PLEKHN1: variants seen among roughly 807,000 people sequenced by gnomAD.
PLEKHN1 encodes pleckstrin homology domain-containing family N member 1.
Under a neutral mutation model 72.8 loss-of-function variants are expected in PLEKHN1, and 68 were observed. The ratio of observed to expected loss-of-function variants is 0.93; its 90% CI spans 0.77 to 1.14. PLEKHN1 has a LOEUF of 1.14. Among genes scored for constraint, PLEKHN1 ranks in the 50% most tolerant of loss-of-function variants. The pLI, the probability that PLEKHN1 is intolerant of heterozygous loss-of-function variation, is 0.00. For missense variants in PLEKHN1, 1,015 were observed against 840.5 expected (o/e 1.21, Z -2.57); for synonymous variants, 454 against 371.6 (o/e 1.22, Z -2.55).
At position 970,400 on chromosome 1, in the gene PLEKHN1, C is replaced by T; in HGVS notation, c.307C>T (p.Gln103Ter). ...AAAAGTTGTGCATTACGCCAAGGTC[C>T]AGCTGCGGTTCCAGCACAGCCAGGT... ...LGKVVHYAKV[Q>*]LRFQHSQDVS... The change falls in exon 3 of 16, where the codon CAG (glutamine) becomes TAG (stop). Residue 103 changes from glutamine to a stop codon, truncating the protein, a stop_gained. Coordinates refer to ENST00000379410, the MANE Select transcript of PLEKHN1 (RefSeq NM_032129.3). LOFTEE classifies it high-confidence loss of function. This position sits in a 1 kb window ranked among gnomAD's most constrained non-coding sequence, Gnocchi z 4.2. The T allele has an allele frequency of 6.2e-7, 1 of 1,613,490 alleles. No homozygotes were observed. Among genetic ancestry groups the T allele is most frequent in the Non-Finnish European group, 8.5e-7 (1 of 1,179,958 alleles).
chr1:973,041 G>A, intron 11 of PLEKHN1, 31 bp downstream of exon 11: 1 of 1,581,986 alleles, frequency 6.3e-7, no homozygotes, highest in Non-Finnish European at 8.6e-7. Flanking sequence ...AGACGAAAGT[G>A]GGGCAGAAGG....
At chr1:968,886 C>A (rs1643138641) in intron 2 of PLEKHN1, among the ~76,000 whole-genome samples, 2 of 152,156 alleles carry the variant, frequency 1.3e-5, no homozygotes, top group Non-Finnish European at 1.5e-5. Context: ...GCCACAGAGA[C>A]CCCTCGGGGG....
chr1:973,947 C>T lies in PLEKHN1; in HGVS notation c.1549C>T (p.Pro517Ser), dbSNP rs762865436. 2.5e-6 allele frequency: 4 copies of T among 1,610,906 alleles called. No homozygotes were observed. Among genetic ancestry groups the T allele is most frequent in the East Asian group, 2.2e-5 (1 of 44,858 alleles). Reference protein sequence around the residue: ...PRSCSSGPAGPYLLSKKGALQ... With the variant: ...PRSCSSGPAGSYLLSKKGALQ... Reference sequence around the variant, plus strand: ...CTCCTGCTCCTCCGGCCCCGCTGGCCCCTACTTGCTCTCCAAGAAGGGAGC... The same window carrying T: ...CTCCTGCTCCTCCGGCCCCGCTGGCTCCTACTTGCTCTCCAAGAAGGGAGC... Residue 517 changes from proline (P) to serine (S), a missense_variant, in exon 14 of 16, where the codon CCC becomes TCC. By Grantham distance (74) the Pro-to-Ser change is moderately conservative. Coordinates refer to ENST00000379410, the MANE Select transcript of PLEKHN1 (RefSeq NM_032129.3).
At chr1:966,879 G>A in intron 2 of PLEKHN1, 76 bp downstream of exon 2, 1 of 1,440,228 alleles carries the variant, frequency 6.9e-7, no homozygotes. Flanking sequence ...TGTCCGTGCA[G>A]CTCAGGGTCT....
At chr1:972,256 C>T (rs780817472) in intron 9 of PLEKHN1, 32 bp from the exon 10 acceptor site, 29 of 1,603,194 alleles carry the variant, frequency 1.8e-5, no homozygotes, top group East Asian at 4.5e-5. Context: ...GGTGCACCCC[C>T]CCGCCAGCCC....
rs201124429 is a variant in PLEKHN1 at position 972,311 on chromosome 1, G to A, written c.889G>A (p.Val297Met). ...IEGPLINTIR[V>M]VCASYEDYGH... ...AGGCCCCCTCATCAACACCATCCGC[G>A]TGGTGTGCGCCAGCTACGAGGACTA... Residue 297 changes from valine (V) to methionine (M), a missense_variant, in exon 10 of 16, where the codon GTG becomes ATG. Coordinates refer to ENST00000379410, the MANE Select transcript of PLEKHN1 (RefSeq NM_032129.3). 1.1e-5 allele frequency: 18 copies of A among 1,612,498 alleles called. No individual in the cohort carries two copies. The highest frequency in any genetic ancestry group is 1.7e-5 in the Admixed American group (1 of 60,008).
chr1:966,966 C>T lies in PLEKHN1; in HGVS notation c.183+163C>T, dbSNP rs1473504299. On this transcript the variant is annotated intron_variant, in intron 2 of 15. Transcript: ENST00000379410. ...ACTGCCCCGCCCTGGGGAGCTCATC[C>T]GGCCGAAAGTCTGAGCGGAGAGCGA... Among the ~76,000 whole-genome samples, 10 of 152,344 alleles carry T rather than the reference C, an allele frequency of 6.6e-5. No homozygotes were observed. In the South Asian group the frequency reaches 8.3e-4, roughly 13 times the overall value.
chr1:968,459 T>A (rs1279390980), intron 2 of PLEKHN1, among the ~76,000 whole-genome samples: 1 of 152,202 alleles, frequency 6.6e-6, no homozygotes, highest in African/African-American at 2.4e-5. Flanking sequence ...ATTGACTACA[T>A]GTGGCGTGGA....
rs1643520813 is a variant in PLEKHN1, at chr1:974,561, G to A, written c.1822G>A (p.Val608Met). 1 of 1,611,692 alleles carries A rather than the reference G, an allele frequency of 6.2e-7. No individual in the cohort carries two copies. The highest frequency in any genetic ancestry group is 1.1e-5 in the South Asian group (1 of 90,920). ...AGGGCCTGAGGCCAGTGGGGGGCTT[G>A]TGCAGTGGATCTGATGGCCGCGGTG... ...LGGPEASGGL[V>M]QWI The change falls in exon 16 of 16, where the codon GTG becomes ATG. Residue 608 changes from valine to methionine, a missense_variant. Physicochemically the swap from Val to Met is conservative, Grantham distance 21. Coordinates refer to ENST00000379410, the MANE Select transcript of PLEKHN1 (RefSeq NM_032129.3).
chr1:971,050 C>A (rs1419705255), intron 6 of PLEKHN1, 44 bp downstream of exon 6: 2 of 1,541,380 alleles, frequency 1.3e-6, no homozygotes, highest in Admixed American at 1.8e-5. Flanking sequence ...CTGATCCTCG[C>A]AGCCGGCTCT....
chr1:970,440 G>T lies in PLEKHN1; in HGVS notation c.330+17G>T. Reference sequence around the variant, plus strand: ...CACAGCCAGGTGGGGGCCGGGCTGGGTGGAGCACGCTAAGGGTGCAGCATC... The same window carrying T: ...CACAGCCAGGTGGGGGCCGGGCTGGTTGGAGCACGCTAAGGGTGCAGCATC... On this transcript the variant is annotated intron_variant, in intron 3 of 15. Transcript: ENST00000379410. This position sits in a 1 kb window ranked among gnomAD's most constrained non-coding sequence, Gnocchi z 4.2. 6.2e-7 allele frequency: 1 copy of T among 1,613,202 alleles called. No individual in the cohort carries two copies. The highest frequency in any genetic ancestry group is 8.5e-7 in the Non-Finnish European group (1 of 1,179,932).
Position 972,995 on chromosome 1 carries a change from C to A in PLEKHN1, c.1137C>A (p.Ser379=). ...CAGTGCCATCCACCGTGGGCTGCTC[C>A]TCCCAGCACACACCGGTGAGCGCTT... is the stretch of plus-strand genomic sequence containing the variant. ...ESSVPSTVGC[S]SQHTPDQANS... is the part of the protein sequence containing the mutation. Residue 379 remains serine, a synonymous_variant, in exon 11 of 16, where the codon TCC becomes TCA. Transcript: ENST00000379410. The A allele has an allele frequency of 6.3e-7, 1 of 1,598,140 alleles. No homozygotes were observed.
In PLEKHN1 at chr1:970,910, C is replaced by T. The variant is rs1262718917; in HGVS notation, c.516C>T (p.Cys172=). Reference sequence around the variant, plus strand: ...TGCCCGCACCCCTCCTGGTGCTCTGCCCCAGCCGGGCCGAGCTGGACCGCT... The same window carrying T: ...TGCCCGCACCCCTCCTGGTGCTCTGTCCCAGCCGGGCCGAGCTGGACCGCT... ...GPLPAPLLVL[C]PSRAELDRWL... Residue 172 remains cysteine, a synonymous_variant, in exon 6 of 16, where the codon TGC becomes TGT. Transcript: ENST00000379410. This position sits in a 1 kb window ranked among gnomAD's most constrained non-coding sequence, Gnocchi z 4.2. 1.9e-6 allele frequency: 3 copies of T among 1,610,818 alleles called. No individual in the cohort carries two copies. The highest frequency in any genetic ancestry group is 2.2e-5 in the South Asian group (2 of 91,052).
Position 970,961 on chromosome 1 carries a change from G to T in PLEKHN1, c.567G>T (p.Thr189=). The part of the protein sequence containing the change: ...DRWLYHLEKQ[T]ALLGGPRRCH... ...GGCTTTACCACCTGGAGAAGCAGAC[G>T]GCCCTCCTCGGGGGGCCGCGGCGCT... The change falls in exon 6 of 16, where the codon ACG becomes ACT. Residue 189 remains threonine, a synonymous_variant. Transcript: ENST00000379410. The surrounding 1 kb of genome is among the most constrained non-coding windows in gnomAD (Gnocchi z 4.2). 1 of 1,607,638 alleles carries T rather than the reference G, an allele frequency of 6.2e-7. No individual in the cohort carries two copies. Among genetic ancestry groups the T allele is most frequent in the Non-Finnish European group, 8.5e-7 (1 of 1,177,832 alleles).
chr1:973,697 G>A, intron 13 of PLEKHN1, 57 bp downstream of exon 13: 1 of 1,597,332 alleles, frequency 6.3e-7, no homozygotes, highest in Non-Finnish European at 8.5e-7. Context: ...CTGAGGCTGG[G>A]GAGGTCTAGA....
chr1:968,478 C>G (rs2100452116), intron 2 of PLEKHN1, among the ~76,000 whole-genome samples: 1 of 152,330 alleles, frequency 6.6e-6, no homozygotes, highest in African/African-American at 2.4e-5. Flanking sequence ...GATGTGGAGT[C>G]CCCTCCCCTC....
intron 14 of PLEKHN1, 61 bp from the exon 15 acceptor site, chr1:974,255 G>A (rs560283591): frequency 2.1e-4 from 341 of 1,609,632 alleles, no homozygotes; most frequent in Non-Finnish European, 2.7e-4. Flanking sequence ...GTGACAGGCC[G>A]CCTCCAAGCT....
At chr1:968,971 C>T (rs1272432090) in intron 2 of PLEKHN1, among the ~76,000 whole-genome samples, 3 of 152,170 alleles carry the variant, frequency 2.0e-5, no homozygotes, top group South Asian at 2.1e-4. Flanking sequence ...CACAGAGGAT[C>T]GACCCCAGAA....
chr1:970,574 C>T lies in PLEKHN1; in HGVS notation c.384C>T (p.Ala128=), dbSNP rs1201267803. The T allele has an allele frequency of 6.2e-7, 1 of 1,612,820 alleles. No individual in the cohort carries two copies. Among genetic ancestry groups the T allele is most frequent in the African/African-American group, 1.3e-5 (1 of 74,902 alleles). ...ELFPAHLYFQ[A]HGSEGLTFQG... is the part of the protein sequence containing the mutation. Reference sequence around the variant, plus strand: ...TCCCCGCCCACCTGTACTTCCAGGCCCACGGCTCGGAAGGACTCACATTTC... The same window carrying T: ...TCCCCGCCCACCTGTACTTCCAGGCTCACGGCTCGGAAGGACTCACATTTC... The change falls in exon 4 of 16, where the codon GCC becomes GCT. Residue 128 remains alanine, a synonymous_variant. Coordinates refer to ENST00000379410, the MANE Select transcript of PLEKHN1 (RefSeq NM_032129.3). The surrounding 1 kb of genome is among the most constrained non-coding windows in gnomAD (Gnocchi z 4.2).
Sources: gnomAD v4.1 joint callset for allele counts (sites outside exome capture counted in the v4.1 genomes callset) on GRCh38, gnomAD v4.1.1 for gene constraint, Gnocchi (gnomAD v3.1) non-coding constraint, MANE v1.5 for transcripts, NCBI Gene and HGNC (gene_info 2026-07-23, HGNC 2026-07-21) for gene names.